The following CCDC57 variants were observed in gnomAD, a reference collection of about 807,000 sequenced individuals.
The protein encoded by CCDC57 is coiled-coil domain-containing protein 57.
Under a neutral mutation model 118.9 loss-of-function variants are expected in CCDC57, and 118 were observed. The observed-to-expected ratio is 0.99, with a 90% confidence interval of 0.86 to 1.16. CCDC57 has a LOEUF of 1.16. Among genes scored for constraint, CCDC57 ranks in the 50% most tolerant of loss-of-function variants. The pLI is 0.00. For synonymous variants in CCDC57, 527 were observed against 532.9 expected (o/e 0.99, Z 0.15); for missense variants, 1,300 against 1,320.7 (o/e 0.98, Z 0.24).
chr17:82,104,786 A>G (rs8082457), intron 19 of CCDC57: 35,593 of 152,000 alleles, frequency 0.23, 4,421 homozygotes, highest in African/African-American at 0.32. Context: ...TGATCCACCC[A>G]CCTCGGCCTC....
At chr17:82,145,115 C>T (rs2040536378) in intron 16 of CCDC57, among the ~76,000 whole-genome samples, 1 of 149,848 alleles carries the variant, frequency 6.7e-6, no homozygotes, top group Non-Finnish European at 1.5e-5. Context: ...CTCCACCTCT[C>T]GGGTTCGAGA....
chr17:82,138,611 T>C (rs531808478), intron 16 of CCDC57, among the ~76,000 whole-genome samples: 1 of 138,018 alleles, frequency 7.2e-6, no homozygotes, highest in South Asian at 2.3e-4. Context: ...TTAGGATTGA[T>C]GAGTGCCACG....
chr17:82,149,595 C>T (rs527739310), intron 16 of CCDC57, among the ~76,000 whole-genome samples: 7 of 152,232 alleles, frequency 4.6e-5, no homozygotes, highest in South Asian at 4.1e-4. Flanking sequence ...CCAGAGCGCC[C>T]GCAGCTAAGA....
chr17:82,179,349 C>T (rs1458766822), intron 9 of CCDC57, among the ~76,000 whole-genome samples, 160 bp from the exon 9 acceptor site: 7 of 152,216 alleles, frequency 4.6e-5, no homozygotes, highest in African/African-American at 1.2e-4. Flanking sequence ...GATGGGCACA[C>T]TGGGACGCCC....
In CCDC57 at chr17:82,192,043, T is replaced by G. The variant is rs1474718109; in HGVS notation, c.851+1713A>C. ...CTCTGTCACCCAGGCTGGAGTGCAG[T>G]GGCGCGGTCTCGGCTCAGTGAAACC... On this transcript the variant is annotated intron_variant, in intron 7 of 19. Coordinates refer to ENST00000665763, the Ensembl canonical transcript of CCDC57. This position sits in a 1 kb window ranked among gnomAD's most constrained non-coding sequence, Gnocchi z 4.0. 6.6e-6 allele frequency among the ~76,000 whole-genome samples: 1 copy of G among 151,078 alleles called. No individual in the cohort carries two copies.
chr17:82,193,824 C>G (rs1453779946), exon 7 of CCDC57: 1 of 1,594,946 alleles, frequency 6.3e-7, no homozygotes, highest in South Asian at 1.1e-5. Flanking sequence ...CCTCTAAATC[C>G]TTTACCCTGA....
chr17:82,107,898 G>T (rs1032381739), intron 19 of CCDC57, among the ~76,000 whole-genome samples: 4 of 152,178 alleles, frequency 2.6e-5, no homozygotes, highest in Non-Finnish European at 4.4e-5. Flanking sequence ...AAAGAAAGGG[G>T]GTGGGCTCCA....
intron 19 of CCDC57, chr17:82,113,623 G>A: frequency 1.4e-6 from 1 of 717,544 alleles, no homozygotes; most frequent in East Asian, 2.7e-5. Context: ...CCTGGTTCAT[G>A]TTTGGGTGAA....
chr17:82,142,495 T>C (rs902429304), intron 16 of CCDC57, among the ~76,000 whole-genome samples: 1 of 152,004 alleles, frequency 6.6e-6, no homozygotes, highest in Non-Finnish European at 1.5e-5. Context: ...ATATTTTTAG[T>C]AGAGATGGGG....
At chr17:82,111,682 C>T (rs2035261260) in intron 19 of CCDC57, among the ~76,000 whole-genome samples, 1 of 152,098 alleles carries the variant, frequency 6.6e-6, no homozygotes. Context: ...TCTCGGCTCA[C>T]TGCAACCTCT....
intron 5 of CCDC57, 142 bp downstream of exon 4, chr17:82,195,121 C>T: frequency 1.5e-6 from 1 of 684,634 alleles, no homozygotes; most frequent in Non-Finnish European, 2.6e-6. Flanking sequence ...CATGGCCCAC[C>T]TGCTCGCTGG....
At chr17:82,210,610 G>A (rs540138230) in intron 1 of CCDC57, among the ~76,000 whole-genome samples, 11 of 151,566 alleles carry the variant, frequency 7.3e-5, no homozygotes, top group African/African-American at 2.4e-4. Flanking sequence ...AACCCGGGAG[G>A]CAGAGGTTGC....
At chr17:82,179,349 C>A (rs1458766822) in intron 9 of CCDC57, among the ~76,000 whole-genome samples, 160 bp from the exon 9 acceptor site, 1 of 152,216 alleles carries the variant, frequency 6.6e-6, no homozygotes, top group Non-Finnish European at 1.5e-5. Context: ...GATGGGCACA[C>A]TGGGACGCCC....
intron 2 of CCDC57, 71 bp from the exon 2 acceptor site, chr17:82,202,023 T>C: frequency 7.2e-7 from 1 of 1,384,964 alleles, no homozygotes; most frequent in Non-Finnish European, 9.6e-7. Flanking sequence ...AGTACCTACC[T>C]CACATTCCCT....
chr17:82,140,705 C>T (rs1268580138), intron 16 of CCDC57, among the ~76,000 whole-genome samples: 3 of 152,320 alleles, frequency 2.0e-5, no homozygotes, highest in African/African-American at 2.4e-5. Context: ...TCTGAGAAGA[C>T]GCCCATTTAG....
At chr17:82,137,272 C>T (rs1012358365) in intron 16 of CCDC57, among the ~76,000 whole-genome samples, 2 of 152,128 alleles carry the variant, frequency 1.3e-5, no homozygotes, top group African/African-American at 4.8e-5. Flanking sequence ...CCGCCCACCT[C>T]GGCCTCCCGA....
At position 82,172,883 on chromosome 17, in the gene CCDC57, G is replaced by C; in HGVS notation, c.1507-23C>G. On this transcript the variant is annotated intron_variant, in intron 11 of 19. Transcript: ENST00000665763. This position sits in a 1 kb window ranked among gnomAD's most constrained non-coding sequence, Gnocchi z 5.2. ...CATCTGTCAAATACAAGGAAAAATG[G>C]CTACAAAAAGATGAATGGTTCCCCA... 1 of 1,588,700 alleles carries C rather than the reference G, an allele frequency of 6.3e-7. No individual in the cohort carries two copies. Among genetic ancestry groups the C allele is most frequent in the Admixed American group, 1.8e-5 (1 of 56,884 alleles).
chr17:82,157,718 G>C lies in CCDC57; in HGVS notation c.2241+30C>G, dbSNP rs539968252. 7 of 1,554,384 alleles carry C rather than the reference G, an allele frequency of 4.5e-6. No individual in the cohort carries two copies. In the South Asian group the frequency reaches 8.3e-5, roughly 18 times the overall value. On this transcript the variant is annotated intron_variant, in intron 15 of 19. Transcript: ENST00000665763. ...CGGTTTCTGTGGCAGGAACCTCGGC[G>C]GGTGGCAGGAGGAGCTAGCGGGCAC...
intron 10 of CCDC57, 95 bp from the exon 10 acceptor site, chr17:82,178,700 C>T (rs995270551): frequency 4.0e-6 from 6 of 1,504,672 alleles, no homozygotes; most frequent in Non-Finnish European, 4.4e-6. Flanking sequence ...GGGAGATGCT[C>T]AGAGCACCAG....
Sources: allele counts gnomAD v4.1 joint callset (sites outside exome capture counted in the v4.1 genomes callset), GRCh38; gene constraint gnomAD v4.1.1; non-coding constraint Gnocchi (gnomAD v3.1); transcripts MANE v1.5; gene names NCBI Gene and HGNC (gene_info 2026-07-23, HGNC 2026-07-21).